Variants in KIF6 observed in about 807,000 individuals in gnomAD.
The protein encoded by KIF6 is kinesin-like protein KIF6.
Under a neutral mutation model 112.7 loss-of-function variants are expected in KIF6, and 106 were observed. The observed-to-expected ratio is 0.94, with a 90% CI of 0.80 to 1.11. The LOEUF is 1.11. Ranked by LOEUF, KIF6 falls within the 50% of genes least tolerant of loss-of-function variation. The pLI is 0.00. For synonymous variants in KIF6, 339 were observed against 339.9 expected (o/e 1.00, Z 0.03); for missense variants, 929 against 964.0 (o/e 0.96, Z 0.48).
chr6:39,646,165 G>A (rs1217474065), intron 3 of KIF6, among the ~76,000 whole-genome samples: 1 of 121,856 alleles, frequency 8.2e-6, no homozygotes, highest in East Asian at 2.1e-4. Context: ...ATGAGAAAAT[G>A]GAGCCTCAGA....
intron 13 of KIF6, among the ~76,000 whole-genome samples, chr6:39,515,574 T>C: frequency 6.6e-6 from 1 of 152,210 alleles, no homozygotes; most frequent in East Asian, 1.9e-4. Flanking sequence ...TCATGCACTA[T>C]CCTAATAGAA....
At chr6:39,634,137 T>C (rs1784497404) in intron 5 of KIF6, among the ~76,000 whole-genome samples, 1 of 152,154 alleles carries the variant, frequency 6.6e-6, no homozygotes, top group Non-Finnish European at 1.5e-5. Context: ...TTAGAGTATT[T>C]AATAAGAATA....
rs576996812 is a variant in KIF6 at position 39,354,760 on chromosome 6, C to G, written c.2180+2517G>C. Among the ~76,000 whole-genome samples, 7 of 152,316 alleles carry G rather than the reference C, an allele frequency of 4.6e-5. No homozygotes were observed. In the South Asian group the frequency reaches 1.5e-3, roughly 32 times the overall value. ...CATGCAATCAGCACTTGCTGCTATA[C>G]CATGATTTCATTAATTTCAACAGTC... On this transcript the variant is annotated intron_variant, in intron 19 of 22. Transcript: ENST00000287152.
At chr6:39,608,769 T>C (rs1783034135) in intron 6 of KIF6, among the ~76,000 whole-genome samples, 1 of 152,216 alleles carries the variant, frequency 6.6e-6, no homozygotes, top group African/African-American at 2.4e-5. Flanking sequence ...AGGCACAGTG[T>C]ACCATAAAAT....
intron 13 of KIF6, among the ~76,000 whole-genome samples, chr6:39,471,050 C>A (rs1487937111): frequency 6.6e-6 from 1 of 152,172 alleles, no homozygotes; most frequent in African/African-American, 2.4e-5. Context: ...AGTTTGTAAT[C>A]CTTGGTCCAG....
At chr6:39,725,146 G>T in intron 1 of KIF6, 99 bp downstream of exon 1, 1 of 1,012,118 alleles carries the variant, frequency 9.9e-7, no homozygotes, top group Non-Finnish European at 1.4e-6. Context: ...GCGCCCACCA[G>T]CAAGCCCCTC....
intron 10 of KIF6, among the ~76,000 whole-genome samples, chr6:39,573,750 T>A (rs1780770417): frequency 6.6e-6 from 1 of 152,234 alleles, no homozygotes; most frequent in African/African-American, 2.4e-5. Flanking sequence ...TAATTATTGA[T>A]ATCTCTGCAT....
At chr6:39,674,508 G>A (rs370115433) in intron 3 of KIF6, among the ~76,000 whole-genome samples, 10 of 152,126 alleles carry the variant, frequency 6.6e-5, no homozygotes, top group African/African-American at 2.4e-4. Context: ...GGCCCAGAGT[G>A]CGCACTTAAG....
chr6:39,551,588 C>A (rs1481260199), intron 10 of KIF6, among the ~76,000 whole-genome samples: 1 of 151,898 alleles, frequency 6.6e-6, no homozygotes, highest in Non-Finnish European at 1.5e-5. Context: ...ACGTTTGTAT[C>A]AAAATATCAC....
intron 16 of KIF6, among the ~76,000 whole-genome samples, chr6:39,372,201 G>A (rs755499727): frequency 2.0e-5 from 3 of 151,920 alleles, no homozygotes; most frequent in Non-Finnish European, 2.9e-5. Context: ...CAGTTATGGG[G>A]TTGATCAATT....
At chr6:39,579,125 G>A (rs182598114) in intron 9 of KIF6, among the ~76,000 whole-genome samples, 3 of 152,268 alleles carry the variant, frequency 2.0e-5, no homozygotes, top group Admixed American at 2.0e-4. Flanking sequence ...TGGCTGGAGA[G>A]TATGTGCATC....
intron 13 of KIF6, among the ~76,000 whole-genome samples, chr6:39,534,753 A>G (rs1292755319): frequency 6.6e-6 from 1 of 152,226 alleles, no homozygotes; most frequent in Non-Finnish European, 1.5e-5. Context: ...TCCAAGACAC[A>G]TAATTGTCAG....
intron 6 of KIF6, among the ~76,000 whole-genome samples, chr6:39,608,614 C>T (rs563900667): frequency 6.6e-5 from 10 of 152,100 alleles, no homozygotes; most frequent in Admixed American, 5.2e-4. Flanking sequence ...GACCTCTAAT[C>T]CCTCTTGGGG....
chr6:39,679,621 T>C lies in KIF6; in HGVS notation c.251+35071A>G, dbSNP rs1165772824. On this transcript the variant is annotated intron_variant, in intron 3 of 22. Transcript: ENST00000287152. Reference sequence around the variant, plus strand: ...CAGGGTTTCTTTTCTTTTCTTTTTTTTTTTTTTTTTTTGAGGCGGAGTCTC... The same window carrying C: ...CAGGGTTTCTTTTCTTTTCTTTTTTCTTTTTTTTTTTTGAGGCGGAGTCTC... Among the ~76,000 whole-genome samples the C allele has an allele frequency of 6.1e-5, 9 of 147,604 alleles. No individual in the cohort carries two copies. The East Asian group carries it at 7.9e-4, about 13-fold the overall frequency.
chr6:39,477,905 T>C (rs1311406846), intron 13 of KIF6, among the ~76,000 whole-genome samples: 2 of 152,038 alleles, frequency 1.3e-5, no homozygotes, highest in African/African-American at 4.8e-5. Flanking sequence ...TTATTGTATA[T>C]ATTTGAGGTT....
At chr6:39,346,090 CCCCTCT>C (rs1763735695) in intron 20 of KIF6, among the ~76,000 whole-genome samples, 1 of 36,808 alleles carries the variant, frequency 2.7e-5, no homozygotes, top group African/African-American at 1.9e-4. Context: ...CTCTCTCCCC[CCCCTCT>C]CCCTCCCCCC....
intron 13 of KIF6, among the ~76,000 whole-genome samples, chr6:39,510,484 A>G (rs889536563): frequency 2.5e-4 from 38 of 152,198 alleles, no homozygotes; most frequent in African/African-American, 8.0e-4. Context: ...TCCTTTACAG[A>G]CAAGCAAATG....
At chr6:39,594,433 T>C (rs1782131456) in intron 7 of KIF6, among the ~76,000 whole-genome samples, 1 of 152,206 alleles carries the variant, frequency 6.6e-6, no homozygotes, top group South Asian at 2.1e-4. Context: ...AAGTGTTCTA[T>C]TAAGTAAAAA....
At chr6:39,414,525 C>T (rs528237247) in intron 15 of KIF6, among the ~76,000 whole-genome samples, 10 of 152,292 alleles carry the variant, frequency 6.6e-5, no homozygotes, top group African/African-American at 1.7e-4. Flanking sequence ...CGCTGAGTGG[C>T]GCACATGGGA....
Sources: gnomAD v4.1 joint callset for allele counts (sites outside exome capture counted in the v4.1 genomes callset) on GRCh38, gnomAD v4.1.1 for gene constraint, MANE v1.5 for transcripts, NCBI Gene and HGNC (gene_info 2026-07-23, HGNC 2026-07-21) for gene names.